The following VPS8 variants were observed in gnomAD, a reference collection of about 807,000 sequenced individuals.
VPS8 encodes the protein vacuolar protein sorting-associated protein 8 homolog.
Under a neutral mutation model 216.4 loss-of-function variants are expected in VPS8, and 129 were observed. That is an observed-to-expected ratio of 0.60 (90% CI 0.52 to 0.69). VPS8 has a LOEUF of 0.69. Ranked by LOEUF, VPS8 falls within the 30% of genes least tolerant of loss-of-function variation. The pLI is 0.00. For synonymous variants in VPS8, 571 were observed against 565.4 expected, an observed-to-expected ratio of 1.01 and a Z score of -0.14; for missense variants, 1,531 against 1,683.5, an observed-to-expected ratio of 0.91 and a Z score of 1.59.
intron 29 of VPS8, among the ~76,000 whole-genome samples, chr3:184,923,998 C>G (rs895308741): frequency 6.6e-6 from 1 of 152,066 alleles, no homozygotes; most frequent in African/African-American, 2.4e-5. Context: ...ATGTCTTTTC[C>G]TTCTTGTTCC....
At chr3:185,002,044 T>A (rs1323086389) in intron 45 of VPS8, among the ~76,000 whole-genome samples, 1 of 152,104 alleles carries the variant, frequency 6.6e-6, no homozygotes, top group Non-Finnish European at 1.5e-5. Flanking sequence ...TAGACGAGTT[T>A]AAGTGCAACA....
chr3:184,989,054 C>T (rs1309117422), intron 42 of VPS8, among the ~76,000 whole-genome samples: 1 of 152,192 alleles, frequency 6.6e-6, no homozygotes. Context: ...ATGTCATCTG[C>T]AAACAAAGAC....
At chr3:184,940,062 A>G (rs1742375322) in intron 35 of VPS8, 135 bp from the exon 36 acceptor site, 1 of 299,870 alleles carries the variant, frequency 3.3e-6, no homozygotes, top group South Asian at 1.2e-4. Context: ...AATTTCTTAG[A>G]TCTGTACAGA....
rs1330962203 is a variant in VPS8, at chr3:185,012,961, G to GT, written c.4003-11375_4003-11374insT. ...TCTATAGATTATAGATTAGCTAAAA[G>GT]CATTTCCTACGGGAAATAACTAAAA... On this transcript the variant is annotated intron_variant, in intron 45 of 47. Transcript: ENST00000625842. Among the ~76,000 whole-genome samples, 1,324 of 151,646 alleles carry GT rather than the reference G, an allele frequency of 8.7e-3. 20 individuals carry two copies. The highest frequency in any genetic ancestry group is 0.03 in the African/African-American group (1,242 of 40,982).
At chr3:184,908,664 G>A (rs550754307) in intron 25 of VPS8, among the ~76,000 whole-genome samples, 2 of 152,316 alleles carry the variant, frequency 1.3e-5, no homozygotes, top group South Asian at 4.1e-4. Context: ...AGCCTTTCTA[G>A]GTACCCACAC....
chr3:184,910,888 G>T (rs1321727345), intron 25 of VPS8, among the ~76,000 whole-genome samples: 1 of 152,056 alleles, frequency 6.6e-6, no homozygotes. Context: ...GCAACTCTTT[G>T]GTATCTTCAG....
chr3:184,846,338 A>G (rs373910495), intron 8 of VPS8, among the ~76,000 whole-genome samples: 1 of 152,260 alleles, frequency 6.6e-6, no homozygotes, highest in Non-Finnish European at 1.5e-5. Flanking sequence ...AGTTGATGGT[A>G]TGTGGGAACA....
chr3:184,928,449 A>G lies in VPS8; in HGVS notation c.2632-2A>G. ...TTTTACTCATTTATTGTAAATACTC[A>G]GGTCCTTTTAGAATTGCTGCAGGCT... On this transcript the variant is annotated splice_acceptor_variant, in intron 31 of 47. Transcript: ENST00000625842. LOFTEE classifies it high-confidence loss of function. The G allele has an allele frequency of 6.5e-7, 1 of 1,531,602 alleles. No homozygotes were observed. Among genetic ancestry groups the G allele is most frequent in the Non-Finnish European group, 8.7e-7 (1 of 1,151,646 alleles). 94.9% of individuals were successfully genotyped at this position (1,531,602 alleles called of 1,614,324 possible).
chr3:184,993,058 A>G (rs532118180), intron 42 of VPS8, among the ~76,000 whole-genome samples: 16 of 152,202 alleles, frequency 1.1e-4, no homozygotes, highest in Non-Finnish European at 2.2e-4. Context: ...CACATGATTT[A>G]TATTCTGTAC....
At position 184,950,216 on chromosome 3, in the gene VPS8, C is replaced by CTTTTTTTTTTTTTT. The variant is rs10700220; in HGVS notation, c.3036-7143_3036-7130dup. Among the ~76,000 whole-genome samples the CTTTTTTTTTTTTTT allele has an allele frequency of 2.1e-3, 82 of 39,928 alleles. 28 individuals are homozygous for CTTTTTTTTTTTTTT. Among genetic ancestry groups the CTTTTTTTTTTTTTT allele is most frequent in the East Asian group, 0.015 (14 of 930 alleles). 26.2% of individuals were successfully genotyped at this position (39,928 alleles called of 152,430 possible). A position where few individuals can be genotyped will look rare whatever the true frequency, so the allele number is the denominator to read the frequency against. On this transcript the variant is annotated intron_variant, in intron 36 of 47. Transcript: ENST00000625842. Reference sequence around the variant, plus strand: ...AGCAACCACGCCCAGCAGTTTTCTGCTTTTTTTTTTTTTTTTTTTTTTTTT... The same window carrying CTTTTTTTTTTTTTT: ...AGCAACCACGCCCAGCAGTTTTCTGCTTTTTTTTTTTTTTTTTTTTTTTTTTTTTTTTTTTTTTT...
intron 46 of VPS8, among the ~76,000 whole-genome samples, chr3:185,034,306 G>A (rs181122172): frequency 1.8e-4 from 27 of 152,122 alleles, no homozygotes; most frequent in South Asian, 1.5e-3. Context: ...TTGATTACAC[G>A]TCCTTGCTAT....
intron 25 of VPS8, among the ~76,000 whole-genome samples, chr3:184,906,748 T>G (rs1228941706): frequency 6.6e-6 from 1 of 152,184 alleles, no homozygotes; most frequent in Non-Finnish European, 1.5e-5. Context: ...CAATAATATT[T>G]GGATCATTGT....
intron 46 of VPS8, among the ~76,000 whole-genome samples, chr3:185,034,048 C>T (rs986802766): frequency 6.6e-6 from 1 of 152,076 alleles, no homozygotes. Context: ...CATAGTACCC[C>T]CCACCCTCTA....
chr3:184,894,665 T>C lies in VPS8; in HGVS notation c.1782-38T>C, dbSNP rs369891264. 1.6e-5 allele frequency: 23 copies of C among 1,475,442 alleles called. No homozygotes were observed. In the African/African-American group the frequency reaches 2.5e-4, roughly 16 times the overall value. 91.4% of individuals were successfully genotyped at this position (1,475,442 alleles called of 1,614,324 possible). A position where few individuals can be genotyped will look rare whatever the true frequency, so the allele number is the denominator to read the frequency against. On this transcript the variant is annotated intron_variant, in intron 22 of 47. Transcript: ENST00000625842. ...GACTAAATTTAATGGATATTTGGCA[T>C]GTTCCTAAAAGTTTTTCTCCCCCCC...
intron 46 of VPS8, among the ~76,000 whole-genome samples, chr3:185,046,866 G>A (rs1713032953): frequency 6.6e-6 from 1 of 152,176 alleles, no homozygotes; most frequent in African/African-American, 2.4e-5. Flanking sequence ...CATGGCGAGG[G>A]TTGGTCACAA....
chr3:184,855,725 T>C lies in VPS8; in HGVS notation c.1050T>C (p.Ser350=). The C allele has an allele frequency of 1.2e-6, 2 of 1,612,978 alleles. No homozygotes were observed. The highest frequency in any genetic ancestry group is 1.7e-5 in the Admixed American group (1 of 59,816). Residue 350 remains serine, a synonymous_variant, in exon 14 of 48, where the codon AGT becomes AGC. Transcript: ENST00000625842. ...TCCCTACTTAGATGGATCCTTCCAG[T>C]GTGCCACTGCTGGCCTGGCACTTTG... The part of the protein sequence containing the change: ...TFPYGRMDPS[S]VPLLAWHFVA...
At chr3:184,918,953 A>G (rs1310191820) in intron 28 of VPS8, 12 of 152,218 alleles carry the variant, frequency 7.9e-5, no homozygotes, top group African/African-American at 2.7e-4. Flanking sequence ...TTCCACAGTA[A>G]GAGTTCCTAC....
chr3:184,991,290 A>G (rs1425172973), intron 42 of VPS8, among the ~76,000 whole-genome samples: 1 of 152,204 alleles, frequency 6.6e-6, no homozygotes, highest in Non-Finnish European at 1.5e-5. Flanking sequence ...ATAGTTTGCA[A>G]ACAAACAACT....
intron 6 of VPS8, 77 bp from the exon 7 acceptor site, chr3:184,839,621 G>C: frequency 1.4e-6 from 2 of 1,424,964 alleles, no homozygotes; most frequent in Non-Finnish European, 1.9e-6. Context: ...AGGAAGGCAG[G>C]CCAACAAATT....
Sources: gnomAD v4.1 joint callset for allele counts (sites outside exome capture counted in the v4.1 genomes callset) on GRCh38, gnomAD v4.1.1 for gene constraint, MANE v1.5 for transcripts, NCBI Gene and HGNC (gene_info 2026-07-23, HGNC 2026-07-21) for gene names.